IMMP2L: variants seen among roughly 807,000 people sequenced by gnomAD.
IMMP2L encodes the protein mitochondrial inner membrane protease subunit 2.
Under a neutral mutation model 19.3 loss-of-function variants are expected in IMMP2L, and 18 were observed. That is an observed-to-expected ratio of 0.93 (90% confidence interval 0.64 to 1.38). The LOEUF (loss-of-function observed/expected upper bound fraction) is 1.38, where lower values mean the gene tolerates loss of function less well. IMMP2L is among the 40% of genes most tolerant of loss of function. The probability of loss-of-function intolerance (pLI) is 0.00; values close to 1 mark genes in which losing one functional copy is unlikely to be tolerated. For missense variants in IMMP2L, 233 were observed against 218.2 expected, an observed-to-expected ratio of 1.07 and a Z score of -0.43; for synonymous variants, 76 against 73.0, an observed-to-expected ratio of 1.04 and a Z score of -0.21.
chr7:111,375,618 C>A (rs556390500), intron 3 of IMMP2L, among the ~76,000 whole-genome samples: 4 of 151,854 alleles, frequency 2.6e-5, no homozygotes, highest in Non-Finnish European at 2.9e-5. Flanking sequence ...CTCCACTTCC[C>A]GGGTCAAGCA....
At chr7:111,530,152 C>T (rs1384105609) in intron 1 of IMMP2L, among the ~76,000 whole-genome samples, 1 of 152,114 alleles carries the variant, frequency 6.6e-6, no homozygotes, top group South Asian at 2.1e-4. Flanking sequence ...TACTTTATCT[C>T]AGTAAGCAAA....
At chr7:110,990,551 A>C (rs1257934693) in intron 3 of IMMP2L, among the ~76,000 whole-genome samples, 1 of 152,198 alleles carries the variant, frequency 6.6e-6, no homozygotes, top group East Asian at 1.9e-4. Context: ...GAGGAAGCTG[A>C]AATTGTAGAA....
At chr7:110,886,156 C>T (rs1171839395) in intron 5 of IMMP2L, among the ~76,000 whole-genome samples, 1 of 152,022 alleles carries the variant, frequency 6.6e-6, no homozygotes, top group Non-Finnish European at 1.5e-5. Flanking sequence ...GTAAAGTTTG[C>T]TTCCTGTACA....
chr7:110,669,014 C>A (rs1028403742), intron 5 of IMMP2L, among the ~76,000 whole-genome samples: 1 of 133,990 alleles, frequency 7.5e-6, no homozygotes. Context: ...TCCAGAGAAA[C>A]TGAACCAACA....
chr7:110,920,632 T>C (rs1814163153), intron 4 of IMMP2L, among the ~76,000 whole-genome samples: 1 of 152,200 alleles, frequency 6.6e-6, no homozygotes, highest in African/African-American at 2.4e-5. Flanking sequence ...TGAAATAGTA[T>C]TTTATATTTA....
intron 5 of IMMP2L, among the ~76,000 whole-genome samples, chr7:110,860,395 A>T (rs1253658801): frequency 6.6e-6 from 1 of 152,102 alleles, no homozygotes; most frequent in African/African-American, 2.4e-5. Context: ...AAGATTACTT[A>T]AAAGGCAATG....
At chr7:110,958,709 G>T (rs1463144446) in intron 4 of IMMP2L, among the ~76,000 whole-genome samples, 1 of 152,026 alleles carries the variant, frequency 6.6e-6, no homozygotes, top group Non-Finnish European at 1.5e-5. Flanking sequence ...CCCAAAGGTA[G>T]TAGATCAGCT....
intron 5 of IMMP2L, among the ~76,000 whole-genome samples, chr7:110,856,008 A>C (rs1370313956): frequency 6.6e-6 from 1 of 152,052 alleles, no homozygotes; most frequent in Non-Finnish European, 1.5e-5. Flanking sequence ...AAACAAATTC[A>C]GCTATAAGTT....
rs143554219 is a variant in IMMP2L, at chr7:111,518,409, T to C, written c.135+2904A>G. Among the ~76,000 whole-genome samples, 889 of 152,080 alleles carry C rather than the reference T, an allele frequency of 5.8e-3. 13 individuals are homozygous for C. The highest frequency in any genetic ancestry group is 0.02 in the African/African-American group (822 of 41,412). On this transcript the variant is annotated intron_variant, in intron 2 of 5. Coordinates refer to ENST00000405709, the MANE Select transcript of IMMP2L (RefSeq NM_032549.4). ...TTTCGATCCTTGGATATTTCTTAAA[T>C]AATGTGTCTACCAGTTGCTGAGTGA...
chr7:111,508,779 T>G (rs1443622102), intron 2 of IMMP2L, among the ~76,000 whole-genome samples: 4 of 152,132 alleles, frequency 2.6e-5, no homozygotes, highest in African/African-American at 7.2e-5. Context: ...TGGGGATCTA[T>G]CAGAGGAAAT....
intron 4 of IMMP2L, among the ~76,000 whole-genome samples, chr7:110,932,960 T>C (rs1563091135): frequency 6.6e-6 from 1 of 152,208 alleles, no homozygotes; most frequent in Non-Finnish European, 1.5e-5. Flanking sequence ...TTCAGAATAT[T>C]ACATCGCAAA....
chr7:110,857,520 C>G (rs1183207960), intron 5 of IMMP2L, among the ~76,000 whole-genome samples: 1 of 152,076 alleles, frequency 6.6e-6, no homozygotes, highest in African/African-American at 2.4e-5. Flanking sequence ...GCTACTGAGA[C>G]TAGTTGCATT....
intron 3 of IMMP2L, among the ~76,000 whole-genome samples, chr7:111,114,528 G>A (rs1288448717): frequency 6.6e-6 from 1 of 152,030 alleles, no homozygotes; most frequent in Non-Finnish European, 1.5e-5. Context: ...ATTAGGTCAG[G>A]AGTTTGAGAC....
intron 5 of IMMP2L, among the ~76,000 whole-genome samples, chr7:110,669,081 G>GTATATATA (rs1791694845): frequency 2.3e-5 from 2 of 88,678 alleles, no homozygotes; most frequent in Middle Eastern, 6.9e-3. Flanking sequence ...GTGTGTGTGT[G>GTATATATA]TGTGTGTGTA....
intron 3 of IMMP2L, among the ~76,000 whole-genome samples, chr7:111,179,024 C>G (rs1029911362): frequency 1.3e-5 from 2 of 151,972 alleles, no homozygotes; most frequent in African/African-American, 2.4e-5. Context: ...ATAGCTAGAG[C>G]CTTACAAAAT....
chr7:111,236,962 C>A (rs1377613044), intron 3 of IMMP2L, among the ~76,000 whole-genome samples: 2 of 151,976 alleles, frequency 1.3e-5, no homozygotes, highest in African/African-American at 4.8e-5. Context: ...TTCCTGTAAC[C>A]CCATCTAGGC....
Position 111,506,829 on chromosome 7 carries a change from G to GT in IMMP2L, c.135+14483dup, listed in dbSNP as rs113032357. 3.3e-4 allele frequency among the ~76,000 whole-genome samples: 50 copies of GT among 152,020 alleles called. 1 individual carries two copies. The highest frequency in any genetic ancestry group is 5.9e-4 in the Admixed American group (9 of 15,270). On this transcript the variant is annotated intron_variant, in intron 2 of 5. Coordinates refer to ENST00000405709, the MANE Select transcript of IMMP2L (RefSeq NM_032549.4). ...AAGTACCACCTTATATCTTTCTGAGGTTTTTTTTGTTTTTGCTTTTGTTTT... is the reference window on the plus strand; with the variant it reads ...AAGTACCACCTTATATCTTTCTGAGGTTTTTTTTTGTTTTTGCTTTTGTTTT...
chr7:111,215,259 T>C (rs1029754327), intron 3 of IMMP2L, among the ~76,000 whole-genome samples: 2 of 152,164 alleles, frequency 1.3e-5, no homozygotes, highest in African/African-American at 4.8e-5. Context: ...TTGGTGAGCC[T>C]CCCATGCATA....
chr7:111,332,171 A>C (rs934844092), intron 3 of IMMP2L, among the ~76,000 whole-genome samples: 1 of 151,892 alleles, frequency 6.6e-6, no homozygotes. Context: ...GGGAATAAGG[A>C]CGTTAGTAAA....
Sources: allele counts gnomAD v4.1 joint callset (sites outside exome capture counted in the v4.1 genomes callset), GRCh38; gene constraint gnomAD v4.1.1; transcripts MANE v1.5; gene names NCBI Gene and HGNC (gene_info 2026-07-23, HGNC 2026-07-21).